Variants in COL4A4 observed in about 807,000 individuals in gnomAD.
The protein encoded by COL4A4 is collagen type IV alpha 4 chain.
COL4A4 carries 105 observed loss-of-function variants against 192.9 expected under a neutral mutation model. That is an observed-to-expected ratio of 0.54 (90% CI 0.46 to 0.64). COL4A4 has a LOEUF of 0.64. Among genes scored for constraint, COL4A4 ranks in the 30% least tolerant of loss-of-function variants. COL4A4 has a pLI of 0.00. For missense variants in COL4A4, 1,967 were observed against 2,169.3 expected, an observed-to-expected ratio of 0.91 and a Z score of 1.85; for synonymous variants, 762 against 769.9, an observed-to-expected ratio of 0.99 and a Z score of 0.17.
At chr2:227,080,676 C>T (rs1355747312) in intron 23 of COL4A4, 127 bp from the exon 24 acceptor site, 11 of 759,400 alleles carry the variant, frequency 1.4e-5, no homozygotes, top group Non-Finnish European at 2.5e-5. Context: ...CTCAATTGCT[C>T]AAGTCACATA....
chr2:227,118,493 A>T lies in COL4A4; in HGVS notation c.489+152T>A. The T allele has an allele frequency of 4.6e-6, 3 of 656,712 alleles. No homozygotes were observed. The South Asian group carries it at 5.4e-5, about 12-fold the overall frequency. 40.7% of individuals were successfully genotyped at this position (656,712 alleles called of 1,614,324 possible). On this transcript the variant is annotated intron_variant, in intron 7 of 47. Transcript: ENST00000396625. ...GTCCTGCATGTTCTAAGTCCTGCCT[A>T]TCTCTCTGTCCTTATCCCCCAGCCA...
intron 3 of COL4A4, among the ~76,000 whole-genome samples, chr2:227,142,434 A>G (rs2063281474): frequency 6.6e-6 from 1 of 152,206 alleles, no homozygotes; most frequent in Non-Finnish European, 1.5e-5. Context: ...TATCTCAGAT[A>G]TTGTTAAACA....
chr2:227,047,808 A>G (rs1277336142), intron 34 of COL4A4, among the ~76,000 whole-genome samples: 1 of 151,360 alleles, frequency 6.6e-6, no homozygotes, highest in African/African-American at 2.4e-5. Flanking sequence ...GGTATTGATA[A>G]GTTTGAGTTT....
chr2:227,095,891 G>A (rs1047867828), intron 19 of COL4A4, among the ~76,000 whole-genome samples: 2 of 152,074 alleles, frequency 1.3e-5, no homozygotes, highest in Non-Finnish European at 2.9e-5. Context: ...CAACAAGAGC[G>A]AAGCTCCATC....
At chr2:226,998,295 A>C (rs1343455126), downstream of COL4A4, 1 of 152,142 alleles carries the variant, frequency 6.6e-6, no homozygotes, top group East Asian at 1.9e-4. Flanking sequence ...AACTAGTTTG[A>C]GTAGAACTAG....
chr2:227,104,112 AC>A, intron 12 of COL4A4, 60 bp from the exon 13 acceptor site: 2 of 1,448,842 alleles, frequency 1.4e-6, no homozygotes, highest in African/African-American at 1.4e-5. Flanking sequence ...GAAGGTTTTC[AC>A]CCATGTATTG....
the COL4A4 span, among the ~76,000 whole-genome samples, chr2:226,986,833 A>G: frequency 6.6e-6 from 1 of 152,262 alleles, no homozygotes; most frequent in African/African-American, 2.4e-5. Flanking sequence ...TACTGGGTAT[A>G]TACCCAAAGG....
chr2:226,979,709 C>A, the COL4A4 span, among the ~76,000 whole-genome samples: 1 of 152,220 alleles, frequency 6.6e-6, no homozygotes, highest in African/African-American at 2.4e-5. Context: ...TGGGGCGCAT[C>A]TTCCTCTCTC....
chr2:227,044,943 A>G (rs1972138306), intron 35 of COL4A4, among the ~76,000 whole-genome samples: 1 of 152,234 alleles, frequency 6.6e-6, no homozygotes, highest in Non-Finnish European at 1.5e-5. Context: ...TAACCACAGG[A>G]GAACAGGCAA....
chr2:227,099,799 G>T, intron 17 of COL4A4, 110 bp from the exon 18 acceptor site: 1 of 920,410 alleles, frequency 1.1e-6, no homozygotes, highest in Non-Finnish European at 1.7e-6. Flanking sequence ...AAGAAGCAGA[G>T]ATTATAGGCT....
chr2:227,120,570 G>C (rs1281263693), intron 5 of COL4A4, among the ~76,000 whole-genome samples: 1 of 152,070 alleles, frequency 6.6e-6, no homozygotes, highest in African/African-American at 2.4e-5. Flanking sequence ...CCAAAAATGA[G>C]GATGAATTAT....
At position 227,032,242 on chromosome 2, in the gene COL4A4, T is replaced by TC; in HGVS notation, c.3611dup (p.Ile1205AsnfsTer48). 1.2e-6 allele frequency: 2 copies of TC among 1,614,012 alleles called. No homozygotes were observed. The highest frequency in any genetic ancestry group is 1.7e-6 in the Non-Finnish European group (2 of 1,179,894). On this transcript the variant is annotated frameshift_variant, in exon 39 of 48. Coordinates refer to ENST00000396625, the MANE Select transcript of COL4A4 (RefSeq NM_000092.5). LOFTEE classifies it high-confidence loss of function. ...CTCTCTCCCCTTTTAGCCCAGGTAT[T>TC]CCCACTGGACCAGGTGGCCCCACAT...
chr2:227,099,507 A>G (rs2150748056), intron 18 of COL4A4, 113 bp downstream of exon 18: 1 of 935,680 alleles, frequency 1.1e-6, no homozygotes, highest in South Asian at 1.3e-5. Context: ...CAGTTCGTGC[A>G]TTCAGCCTGC....
intron 34 of COL4A4, among the ~76,000 whole-genome samples, chr2:227,049,329 AC>A (rs1973551951): frequency 6.6e-6 from 1 of 152,226 alleles, no homozygotes; most frequent in Non-Finnish European, 1.5e-5. Context: ...CACAAGGTAA[AC>A]TAAGGCCCGT....
chr2:226,978,933 G>A, the COL4A4 span, among the ~76,000 whole-genome samples: 20 of 152,144 alleles, frequency 1.3e-4, no homozygotes, highest in Non-Finnish European at 2.5e-4. Context: ...GTGGGGAAAT[G>A]GTTTAGGGTT....
chr2:227,033,290 C>T (rs1968819407), intron 38 of COL4A4, 120 bp downstream of exon 38: 1 of 803,162 alleles, frequency 1.2e-6, no homozygotes, highest in Non-Finnish European at 2.1e-6. Context: ...TAACCTAAGC[C>T]AGTTTTTTTC....
chr2:227,111,687 A>G lies in COL4A4; in HGVS notation c.585T>C (p.Pro195=). 6.2e-7 allele frequency: 1 copy of G among 1,614,176 alleles called. No individual in the cohort carries two copies. Among genetic ancestry groups the G allele is most frequent in the Non-Finnish European group, 8.5e-7 (1 of 1,179,982 alleles). Residue 195 remains proline (P), a synonymous_variant, in exon 9 of 48, where the codon CCT becomes CCC. Transcript: ENST00000396625. ...IQGDRGDPGL[P]GLPGSWGAGG... Reference sequence around the variant, plus strand: ...TGCTCAGGAGACTTACTGGTAAGCCAGGCAGTCCTGGGTCCCCTCTGTCTC... The same window carrying G: ...TGCTCAGGAGACTTACTGGTAAGCCGGGCAGTCCTGGGTCCCCTCTGTCTC...
chr2:227,096,346 T>C (rs2060205375), intron 19 of COL4A4, among the ~76,000 whole-genome samples: 1 of 152,178 alleles, frequency 6.6e-6, no homozygotes, highest in South Asian at 2.1e-4. Flanking sequence ...GGTACTGTAC[T>C]GATTGCTATT....
rs1975755241 is a variant in COL4A4, at chr2:227,057,543, T to C, written c.2441A>G (p.His814Arg). The C allele has an allele frequency of 6.2e-7, 1 of 1,614,096 alleles. No homozygotes were observed. Residue 814 changes from histidine (H) to arginine (R), a missense_variant, in exon 29 of 48, where the codon CAT (histidine) becomes CGT (arginine). Coordinates refer to ENST00000396625, the MANE Select transcript of COL4A4 (RefSeq NM_000092.5). ...ACCTGGGACACCTGGAAACCCAGCA[T>C]GTCCCTCTCTGCCTTTGGGACCTTT... is the stretch of plus-strand genomic sequence containing the variant. Reference protein sequence around the residue: ...GLKGPKGREGHAGFPGVPGPP... With the variant: ...GLKGPKGREGRAGFPGVPGPP...
Sources: gnomAD v4.1 joint callset for allele counts (sites outside exome capture counted in the v4.1 genomes callset) on GRCh38, gnomAD v4.1.1 for gene constraint, MANE v1.5 for transcripts, NCBI Gene and HGNC (gene_info 2026-07-23, HGNC 2026-07-21) for gene names.